RPTOR: variants seen among roughly 807,000 people sequenced by gnomAD.
The protein encoded by RPTOR is regulatory associated protein of MTOR complex 1.
Under a neutral mutation model 169.9 loss-of-function variants are expected in RPTOR, and 21 were observed. That is an observed-to-expected ratio of 0.12 (90% confidence interval 0.09 to 0.18). The LOEUF is 0.18. RPTOR is among the 10% of genes least tolerant of loss of function. The pLI is 1.00. For synonymous variants in RPTOR, 732 were observed against 753.2 expected (o/e 0.97, Z 0.46); for missense variants, 1,133 against 1,855.9 (o/e 0.61, Z 7.16).
intron 7 of RPTOR, chr17:80,805,653 T>G (rs949070803): frequency 1.3e-5 from 2 of 152,228 alleles, no homozygotes; most frequent in Admixed American, 6.5e-5. Context: ...GTCTTTCTGA[T>G]GGGCTTTGGA....
rs1354498436 is a variant in RPTOR, at chr17:80,862,502, A to G, written c.1509+4602A>G. Among the ~76,000 whole-genome samples the G allele has an allele frequency of 2.7e-5, 4 of 147,212 alleles. No homozygotes were observed. In the South Asian group the frequency reaches 6.6e-4, roughly 24 times the overall value. On this transcript the variant is annotated intron_variant, in intron 13 of 33. Coordinates refer to ENST00000306801, the MANE Select transcript of RPTOR (RefSeq NM_020761.3). ...CCCCCATGATGTGTGCACCCCCTACAATGTGTGCATGCCCCTCTGTGTTGG... is the reference window on the plus strand; with the variant it reads ...CCCCCATGATGTGTGCACCCCCTACGATGTGTGCATGCCCCTCTGTGTTGG...
At chr17:80,611,303 C>T (rs903330555) in intron 1 of RPTOR, among the ~76,000 whole-genome samples, 9 of 151,890 alleles carry the variant, frequency 5.9e-5, no homozygotes, top group East Asian at 1.9e-4. Context: ...ACTTTGTTGC[C>T]CACGCTAGAG....
chr17:80,769,550 CGGAAAAGAGG>C (rs2066821211), intron 6 of RPTOR, among the ~76,000 whole-genome samples: 1 of 152,126 alleles, frequency 6.6e-6, no homozygotes, highest in Non-Finnish European at 1.5e-5. Flanking sequence ...CCTGTGTGCC[CGGAAAAGAGG>C]GTCTCCAGGG....
chr17:80,711,569 T>G (rs1410621247), intron 4 of RPTOR, among the ~76,000 whole-genome samples: 1 of 152,144 alleles, frequency 6.6e-6, no homozygotes, highest in Non-Finnish European at 1.5e-5. Context: ...ATTTTTTTAC[T>G]TGTTGATTTT....
At position 80,947,368 on chromosome 17, in the gene RPTOR, C is replaced by T. The variant is rs529798698; in HGVS notation, c.3265+17C>T. 17 of 1,537,570 alleles carry T rather than the reference C, an allele frequency of 1.1e-5. No individual in the cohort carries two copies. Among genetic ancestry groups the T allele is most frequent in the Admixed American group, 2.1e-5 (1 of 46,640 alleles). On this transcript the variant is annotated intron_variant, in intron 27 of 33. Coordinates refer to ENST00000306801, the MANE Select transcript of RPTOR (RefSeq NM_020761.3). This position sits in a 1 kb window ranked among gnomAD's most constrained non-coding sequence, Gnocchi z 4.4. ...CGGCCACAGGTGAGCGGGGTTTGCA[C>T]AGCCAGGATTGGAAGCCAGGGTCTG...
Position 80,707,750 on chromosome 17 carries a change from T to C in RPTOR, c.349-91T>C. 7.8e-7 allele frequency: 1 copy of C among 1,287,434 alleles called. No individual in the cohort carries two copies. The highest frequency in any genetic ancestry group is 1.5e-5 in the African/African-American group (1 of 66,632). 79.8% of individuals were successfully genotyped at this position (1,287,434 alleles called of 1,614,324 possible). A position where few individuals can be genotyped will look rare whatever the true frequency, so the allele number is the denominator to read the frequency against. On this transcript the variant is annotated intron_variant, in intron 3 of 33. Transcript: ENST00000306801. This position sits in a 1 kb window ranked among gnomAD's most constrained non-coding sequence, Gnocchi z 5.0. The stretch of plus-strand genomic sequence containing the variant: ...CATGTGTCCAGGACCACACAGCTAT[T>C]AACTGCAAACCCAGAGGAAAGGGTA...
At chr17:80,697,984 G>A (rs1251709164) in intron 3 of RPTOR, among the ~76,000 whole-genome samples, 1 of 152,190 alleles carries the variant, frequency 6.6e-6, no homozygotes. Context: ...TGAGGGTAGT[G>A]GTGAGGTTTC....
At chr17:80,684,404 GTTTATTTATTTATTTATTTA>G (rs55921146) in intron 3 of RPTOR, among the ~76,000 whole-genome samples, 33 of 136,856 alleles carry the variant, frequency 2.4e-4, no homozygotes, top group East Asian at 1.3e-3. Context: ...GGAGATACAT[GTTTATTTATTTATTTATTTA>G]TTTATTTATT....
At chr17:80,740,580 TAGTG>T (rs1475368769) in intron 5 of RPTOR, among the ~76,000 whole-genome samples, 2 of 152,340 alleles carry the variant, frequency 1.3e-5, no homozygotes, top group South Asian at 4.1e-4. Flanking sequence ...CGCTGTGACT[TAGTG>T]AGTTTTTTTA....
intron 3 of RPTOR, among the ~76,000 whole-genome samples, chr17:80,667,092 G>A (rs530427875): frequency 6.6e-6 from 1 of 152,272 alleles, no homozygotes; most frequent in South Asian, 2.1e-4. Flanking sequence ...CCGTCTCCAC[G>A]TCCCTTTCCC....
chr17:80,615,486 A>C lies in RPTOR; in HGVS notation c.163-10205A>C, dbSNP rs143652001. Among the ~76,000 whole-genome samples the C allele has an allele frequency of 5.0e-3, 758 of 152,262 alleles. 4 individuals carry two copies. Among genetic ancestry groups the C allele is most frequent in the Non-Finnish European group, 7.9e-3 (535 of 68,014 alleles). The stretch of plus-strand genomic sequence containing the variant: ...AATTGTCAAATATATGGAAGGTGTT[A>C]AGAAGATTATGGGGAACTACAGATG... On this transcript the variant is annotated intron_variant, in intron 1 of 33. Transcript: ENST00000306801.
intron 1 of RPTOR, among the ~76,000 whole-genome samples, chr17:80,589,842 A>G (rs2065090364): frequency 6.6e-6 from 1 of 152,198 alleles, no homozygotes. Context: ...AAACACAGTC[A>G]TGGTCTTCTG....
chr17:80,654,122 A>G (rs2065661814), intron 3 of RPTOR, among the ~76,000 whole-genome samples: 1 of 152,196 alleles, frequency 6.6e-6, no homozygotes, highest in Admixed American at 6.5e-5. Context: ...GCAAGAGGAG[A>G]GAGAGGGTGC....
In RPTOR at chr17:80,963,067, GCGGTGGGTGGGGGTCGGGGGT is replaced by G; in HGVS notation, c.3939+14_3939+34del. The G allele has an allele frequency of 6.4e-7, 1 of 1,552,176 alleles. No individual in the cohort carries two copies. Among genetic ancestry groups the G allele is most frequent in the Non-Finnish European group, 8.7e-7 (1 of 1,146,372 alleles). On this transcript the variant is annotated intron_variant, in intron 33 of 33. Coordinates refer to ENST00000306801, the MANE Select transcript of RPTOR (RefSeq NM_020761.3). ...CTTCCACCCGCACTGGGTCAGTGTG[GCGGTGGGTGGGGGTCGGGGGT>G]CGGGGGCTGGGGTAGAGGGATGGGA...
chr17:80,873,288 A>G (rs2068071429), intron 13 of RPTOR, among the ~76,000 whole-genome samples: 1 of 152,108 alleles, frequency 6.6e-6, no homozygotes, highest in South Asian at 2.1e-4. Context: ...GCAGCTCTCC[A>G]GTGGGAAGCA....
intron 4 of RPTOR, among the ~76,000 whole-genome samples, chr17:80,709,267 T>C (rs978770580): frequency 1.3e-5 from 2 of 152,232 alleles, no homozygotes; most frequent in Non-Finnish European, 2.9e-5. Context: ...AAGCAGGATG[T>C]AATGAACCAC....
intron 5 of RPTOR, chr17:80,743,219 T>C (rs926190846): frequency 1.0e-6 from 1 of 982,974 alleles, no homozygotes; most frequent in African/African-American, 1.7e-5. Context: ...CTCTCTCTCT[T>C]ATGACTCAGT....
intron 32 of RPTOR, 27 bp downstream of exon 32, chr17:80,962,604 G>A (rs1568014192): frequency 3.8e-6 from 6 of 1,583,586 alleles, no homozygotes; most frequent in East Asian, 4.5e-5. Context: ...TCCCTGGCCT[G>A]CACCGCTCAC....
At chr17:80,890,088 C>T (rs183878862) in intron 17 of RPTOR, among the ~76,000 whole-genome samples, 5 of 151,514 alleles carry the variant, frequency 3.3e-5, no homozygotes, top group Admixed American at 2.0e-4. Flanking sequence ...GAGGGATGTG[C>T]GGCCCCCGAG....
Sources: gnomAD v4.1 joint callset for allele counts (sites outside exome capture counted in the v4.1 genomes callset) on GRCh38, gnomAD v4.1.1 for gene constraint, Gnocchi (gnomAD v3.1) non-coding constraint, MANE v1.5 for transcripts, NCBI Gene and HGNC (gene_info 2026-07-23, HGNC 2026-07-21) for gene names.